The following PDE1A variants were observed in gnomAD, a reference collection of about 807,000 sequenced individuals.
PDE1A encodes phosphodiesterase 1A.
In PDE1A, 35 loss-of-function variants were observed where a neutral mutation model predicts 61.7. The ratio of observed to expected loss-of-function variants is 0.57; its 90% CI spans 0.43 to 0.75. The LOEUF is 0.75. Among genes scored for constraint, PDE1A ranks in the 30% least tolerant of loss-of-function variants. The pLI, the probability that PDE1A is intolerant of heterozygous loss-of-function variation, is 0.00. For synonymous variants in PDE1A, 232 were observed against 213.2 expected, an observed-to-expected ratio of 1.09 and a Z score of -0.77; for missense variants, 597 against 630.6, an observed-to-expected ratio of 0.95 and a Z score of 0.57.
At chr2:182,326,229 G>C (rs1161411022) in intron 1 of PDE1A, among the ~76,000 whole-genome samples, 1 of 152,150 alleles carries the variant, frequency 6.6e-6, no homozygotes, top group African/African-American at 2.4e-5. Flanking sequence ...CTACCCACAA[G>C]AATTGAATGC....
chr2:182,140,919 A>T (rs1690200900), exon 15 of PDE1A: 1 of 152,084 alleles, frequency 6.6e-6, no homozygotes, highest in Non-Finnish European at 1.5e-5. Flanking sequence ...CAGCAGTAGC[A>T]TGACAATACT....
intron 2 of PDE1A, among the ~76,000 whole-genome samples, chr2:182,512,346 T>C (rs935609085): frequency 2.6e-5 from 4 of 152,110 alleles, no homozygotes; most frequent in African/African-American, 9.7e-5. Flanking sequence ...GAGCTGAGAC[T>C]TGGCCCCCTG....
chr2:182,359,161 A>G (rs753232781), intron 1 of PDE1A, among the ~76,000 whole-genome samples: 1 of 152,148 alleles, frequency 6.6e-6, no homozygotes. Flanking sequence ...TCCCAAGCAA[A>G]CTCTTTAAAA....
the PDE1A span, among the ~76,000 whole-genome samples, chr2:182,665,395 A>G: frequency 2.0e-5 from 3 of 152,192 alleles, no homozygotes; most frequent in Admixed American, 1.3e-4. Context: ...AACCCCATCA[A>G]AAAGTGGACA....
intron 2 of PDE1A, among the ~76,000 whole-genome samples, chr2:182,457,917 A>G (rs1686031074): frequency 6.6e-6 from 1 of 152,200 alleles, no homozygotes. Flanking sequence ...ATTCTATTTA[A>G]GATGTAGCTT....
intron 10 of PDE1A, among the ~76,000 whole-genome samples, chr2:182,196,857 GT>G (rs1686175457): frequency 6.6e-6 from 1 of 151,592 alleles, no homozygotes; most frequent in African/African-American, 2.4e-5. Context: ...CTAGCATTGA[GT>G]TTTTTTAAGT....
rs1703332091 is a variant in PDE1A at position 182,422,321 on chromosome 2, C to G, written c.53+4257G>C. 2.6e-5 allele frequency among the ~76,000 whole-genome samples: 4 copies of G among 152,270 alleles called. No individual in the cohort carries two copies. In the South Asian group the frequency reaches 8.3e-4, roughly 32 times the overall value. On this transcript the variant is annotated intron_variant, in intron 1 of 13. Coordinates refer to ENST00000351439, the Ensembl canonical transcript of PDE1A. ...AACATATAAGAATCATTTCAATTTA[C>G]TTTTTAAATTCATTTTTTCACTGCC...
chr2:182,365,270 A>G (rs931806487), intron 1 of PDE1A, among the ~76,000 whole-genome samples: 19 of 152,016 alleles, frequency 1.2e-4, no homozygotes, highest in Admixed American at 2.6e-4. Context: ...CATCTTGCAC[A>G]TAAGTCACGG....
the PDE1A span, among the ~76,000 whole-genome samples, chr2:182,626,717 T>TTA: frequency 9.4e-3 from 274 of 29,102 alleles, 27 homozygotes; most frequent in African/African-American, 0.02. Context: ...ACAAATGGCT[T>TTA]TATATATATA....
the PDE1A span, among the ~76,000 whole-genome samples, chr2:182,684,879 T>C: frequency 1.1e-3 from 162 of 152,218 alleles, 1 homozygote; most frequent in African/African-American, 3.8e-3. Context: ...TGTATTAGGT[T>C]ATATTGGTGT....
chr2:182,453,247 T>C (rs1559477603), intron 2 of PDE1A, among the ~76,000 whole-genome samples: 1 of 152,066 alleles, frequency 6.6e-6, no homozygotes, highest in Non-Finnish European at 1.5e-5. Context: ...CTATCGTTAT[T>C]AGTCATTCAT....
the PDE1A span, among the ~76,000 whole-genome samples, chr2:182,612,001 C>T: frequency 6.6e-6 from 1 of 152,174 alleles, no homozygotes; most frequent in South Asian, 2.1e-4. Flanking sequence ...AACAACAGCT[C>T]CATTTTTTCC....
At chr2:182,576,299 C>T in the PDE1A span, among the ~76,000 whole-genome samples, 124,904 of 152,100 alleles carry the variant, frequency 0.82, 51,553 homozygotes, top group East Asian at 0.99. Context: ...GTACCTCTTA[C>T]AAGTAGAATG....
intron 1 of PDE1A, among the ~76,000 whole-genome samples, chr2:182,405,777 C>A (rs1224093452): frequency 6.6e-6 from 1 of 151,920 alleles, no homozygotes; most frequent in Non-Finnish European, 1.5e-5. Flanking sequence ...AATAGTCTCA[C>A]CCCAAAAAAA....
intron 13 of PDE1A, among the ~76,000 whole-genome samples, chr2:182,172,318 C>T (rs1040980003): frequency 6.6e-6 from 1 of 151,930 alleles, no homozygotes; most frequent in African/African-American, 2.4e-5. Context: ...GAGTTCTGCT[C>T]TCAAGAAAAA....
At chr2:182,651,648 A>G in the PDE1A span, among the ~76,000 whole-genome samples, 1 of 152,246 alleles carries the variant, frequency 6.6e-6, no homozygotes, top group Non-Finnish European at 1.5e-5. Context: ...CATTCATTTC[A>G]GTCCATAAGT....
chr2:182,155,459 C>A (rs1691025798), intron 13 of PDE1A, among the ~76,000 whole-genome samples: 1 of 152,086 alleles, frequency 6.6e-6, no homozygotes, highest in African/African-American at 2.4e-5. Context: ...ATTTTAAATT[C>A]TTCTATCTGA....
At chr2:182,198,770 G>T (rs1020562555) in intron 10 of PDE1A, among the ~76,000 whole-genome samples, 4 of 151,758 alleles carry the variant, frequency 2.6e-5, no homozygotes, top group Non-Finnish European at 5.9e-5. Context: ...GGCAGATGTG[G>T]ATGTGTAATT....
At chr2:182,706,821 T>C in the PDE1A span, among the ~76,000 whole-genome samples, 2 of 152,218 alleles carry the variant, frequency 1.3e-5, no homozygotes, top group African/African-American at 4.8e-5. Flanking sequence ...AAGCAGTAAC[T>C]TAAATATGTT....
Sources: allele counts gnomAD v4.1 joint callset (sites outside exome capture counted in the v4.1 genomes callset), GRCh38; gene constraint gnomAD v4.1.1; transcripts MANE v1.5; gene names NCBI Gene and HGNC (gene_info 2026-07-23, HGNC 2026-07-21).